The following MAGEB1 variants were observed in gnomAD, a reference collection of about 807,000 sequenced individuals.
The protein encoded by MAGEB1 is melanoma-associated antigen B1.
For missense variants in MAGEB1, 290 were observed against 286.7 expected, an observed-to-expected ratio of 1.01 and a Z score of -0.08; for synonymous variants, 99 against 105.7, an observed-to-expected ratio of 0.94 and a Z score of 0.39.
rs1194478399 is a variant in MAGEB1, at chrX:30,251,212, A to T, written c.719A>T (p.Glu240Val). The change falls in exon 2 of 2, where the codon GAA becomes GTA. Residue 240 changes from glutamate (E) to valine (V), a missense_variant. Physicochemically the swap from Glu to Val is moderately radical, Grantham distance 121 (BLOSUM62 -2). Coordinates refer to ENST00000397548, the MANE Select transcript of MAGEB1 (RefSeq NM_177404.3). ...YDGEEHLIYG[E>V]PRKFITQDLV... ...GGAGAGGAGCACTTAATCTATGGGG[A>T]ACCCCGTAAGTTCATCACCCAAGAT... is the stretch of plus-strand genomic sequence containing the variant. 10 of 1,211,999 alleles carry T rather than the reference A, an allele frequency of 8.3e-6. No individual in the cohort carries two copies. The highest frequency in any genetic ancestry group is 1.0e-5 in the Non-Finnish European group (9 of 895,539).
Position 30,251,180 on chromosome X carries a change from C to T in MAGEB1, c.687C>T (p.Ala229=), listed in dbSNP as rs746278765. 1.7e-6 allele frequency: 2 copies of T among 1,211,691 alleles called. No individual in the cohort carries two copies. Among genetic ancestry groups the T allele is most frequent in the Non-Finnish European group, 1.1e-6 (1 of 895,356 alleles). ...EIWKFMNVLG[A]YDGEEHLIYG... is the part of the protein sequence containing the mutation. ...GGAAATTCATGAATGTGTTGGGAGC[C>T]TATGATGGAGAGGAGCACTTAATCT... The change falls in exon 2 of 2, where the codon GCC becomes GCT. Residue 229 remains alanine (A), a synonymous_variant. Transcript: ENST00000397548.
At chrX:30,246,562 C>A (rs1453053054), upstream of MAGEB1, among the ~76,000 whole-genome samples, 2 of 111,494 alleles carry the variant, frequency 1.8e-5, no homozygotes, top group Non-Finnish European at 3.8e-5. Flanking sequence ...TGACTGGTTC[C>A]GTCTAATTGG....
chrX:30,245,982 T>C (rs1925294234), upstream of MAGEB1, among the ~76,000 whole-genome samples: 1 of 112,112 alleles, frequency 8.9e-6, no homozygotes, highest in African/African-American at 3.2e-5. Context: ...CAGGGACCTC[T>C]TCTCTGCAAG....
rs1250523066 is a variant in MAGEB1, at chrX:30,251,238, C to G, written c.745C>G (p.Leu249Val). 9 of 1,210,676 alleles carry G rather than the reference C, an allele frequency of 7.4e-6. No individual in the cohort carries two copies. The highest frequency in any genetic ancestry group is 1.0e-5 in the Non-Finnish European group (9 of 895,377). Residue 249 changes from leucine to valine, a missense_variant, in exon 2 of 2, where the codon CTG (leucine) becomes GTG (valine). Transcript: ENST00000397548. ...GEPRKFITQD[L>V]VQEKYLKYEQ... ...ACCCCGTAAGTTCATCACCCAAGAT[C>G]TGGTGCAGGAAAAATATCTGAAGTA...
Position 30,247,157 on chromosome X carries a change from C to T in MAGEB1, c.-160C>T, listed in dbSNP as rs959733681. On this transcript the variant is annotated 5_prime_UTR_variant, in exon 1 of 2. Transcript: ENST00000397548. Reference sequence around the variant, plus strand: ...GCCGGATGTGGCTCATCCTGACTTCCGCTTTGAAGGCGAGGACCCCAGCGA... The same window carrying T: ...GCCGGATGTGGCTCATCCTGACTTCTGCTTTGAAGGCGAGGACCCCAGCGA... 1 of 109,026 alleles carries T rather than the reference C, an allele frequency of 9.2e-6. No individual in the cohort carries two copies. Among genetic ancestry groups the T allele is most frequent in the African/African-American group, 3.4e-5 (1 of 29,793 alleles). 9.0% of individuals were successfully genotyped at this position (109,026 alleles called of 1,213,427 possible).
chrX:30,251,126 G>A lies in MAGEB1; in HGVS notation c.633G>A (p.Lys211=). ...LMPLLGVIFL[K]GNSATEEEIW... ...CTCTCCTGGGTGTGATCTTCTTAAA[G>A]GGCAACTCTGCCACCGAGGAAGAGA... is the stretch of plus-strand genomic sequence containing the variant. The change falls in exon 2 of 2, where the codon AAG becomes AAA. Residue 211 remains lysine, a synonymous_variant. Coordinates refer to ENST00000397548, the MANE Select transcript of MAGEB1 (RefSeq NM_177404.3). The A allele has an allele frequency of 8.3e-7, 1 of 1,210,794 alleles. No homozygotes were observed. The highest frequency in any genetic ancestry group is 1.1e-6 in the Non-Finnish European group (1 of 894,958).
Position 30,250,980 on chromosome X carries a change from CT to C in MAGEB1, c.489del (p.Asp164IlefsTer2), listed in dbSNP as rs1369700777. 1.4e-5 allele frequency: 17 copies of C among 1,211,675 alleles called. No individual in the cohort carries two copies. The highest frequency in any genetic ancestry group is 1.9e-5 in the Non-Finnish European group (17 of 895,370). On this transcript the variant is annotated frameshift_variant, in exon 2 of 2. Coordinates refer to ENST00000397548, the MANE Select transcript of MAGEB1 (RefSeq NM_177404.3). LOFTEE classifies it low-confidence loss of function (END_TRUNC). ...ASRRLELVFGLDLKEDNPSGH... is the reference protein window; with the variant it reads ...ASRRLELVFGXDLKEDNPSGH... ...TCGCCGCTTGGAGCTCGTCTTTGGCCTTGATTTGAAGGAAGACAACCCTAGT... is the reference window on the plus strand; with the variant it reads ...TCGCCGCTTGGAGCTCGTCTTTGGCCTGATTTGAAGGAAGACAACCCTAGT...
chrX:30,250,486 C>T lies in MAGEB1; in HGVS notation c.-8C>T. The T allele has an allele frequency of 8.5e-7, 1 of 1,172,859 alleles. No homozygotes were observed. Among genetic ancestry groups the T allele is most frequent in the South Asian group, 2.0e-5 (1 of 50,301 alleles). ...CTTTCCTGCCTGTTTTGCCTGACCA[C>T]AGCCATCATGCCTCGGGGTCAGAAG... On this transcript the variant is annotated 5_prime_UTR_variant, in exon 2 of 2. Transcript: ENST00000397548.
upstream of MAGEB1, among the ~76,000 whole-genome samples, chrX:30,246,973 A>G (rs1347204621): frequency 8.9e-6 from 1 of 112,396 alleles, no homozygotes; most frequent in Non-Finnish European, 1.9e-5. Context: ...AGGTGGGGCT[A>G]TTGTTTGAGG....
chrX:30,246,667 A>G (rs1308822007), upstream of MAGEB1, among the ~76,000 whole-genome samples: 4 of 112,138 alleles, frequency 3.6e-5, no homozygotes, highest in African/African-American at 1.3e-4. Context: ...CCAGCAGATG[A>G]GTCCCCACAG....
At chrX:30,245,361 A>G (rs146763001), upstream of MAGEB1, among the ~76,000 whole-genome samples, 552 of 112,156 alleles carry the variant, frequency 4.9e-3, 2 homozygotes, top group Middle Eastern at 0.023. Context: ...TAAAGTCTCA[A>G]TGCACACCAG....
At position 30,250,566 on chromosome X, in the gene MAGEB1, C is replaced by A; in HGVS notation, c.73C>A (p.Leu25Ile). The change falls in exon 2 of 2, where the codon CTC (leucine) becomes ATC (isoleucine). Residue 25 changes from leucine (L) to isoleucine (I), a missense_variant. Coordinates refer to ENST00000397548, the MANE Select transcript of MAGEB1 (RefSeq NM_177404.3). ...CAAGGCGCGAGAGGAGACCCAGGGT[C>A]TCAAGGTTGCTCACGCCACTGCAGC... ...RRKAREETQGLKVAHATAAEK... is the reference protein window; with the variant it reads ...RRKAREETQGIKVAHATAAEK... 8.3e-7 allele frequency: 1 copy of A among 1,208,000 alleles called. No homozygotes were observed. The highest frequency in any genetic ancestry group is 1.1e-6 in the Non-Finnish European group (1 of 893,448).
chrX:30,248,832 A>G (rs1263349977), intron 1 of MAGEB1, among the ~76,000 whole-genome samples: 1 of 112,016 alleles, frequency 8.9e-6, no homozygotes, highest in Non-Finnish European at 1.9e-5. Flanking sequence ...TGAAAGAAAC[A>G]CGGAATTCCT....
At position 30,250,507 on chromosome X, in the gene MAGEB1, A is replaced by G. The variant is rs989525536; in HGVS notation, c.14A>G (p.Gln5Arg). 3 of 1,189,281 alleles carry G rather than the reference A, an allele frequency of 2.5e-6. No homozygotes were observed. The highest frequency in any genetic ancestry group is 2.3e-5 in the Admixed American group (1 of 43,260). Residue 5 changes from glutamine to arginine, a missense_variant, in exon 2 of 2, where the codon CAG (glutamine) becomes CGG (arginine). Transcript: ENST00000397548. ...ACCACAGCCATCATGCCTCGGGGTCAGAAGAGTAAGCTCCGTGCTCGTGAG... is the reference window on the plus strand; with the variant it reads ...ACCACAGCCATCATGCCTCGGGGTCGGAAGAGTAAGCTCCGTGCTCGTGAG... MPRG[Q>R]KSKLRAREKR...
chrX:30,250,454 C>G lies in MAGEB1; in HGVS notation c.-40C>G. 9.1e-7 allele frequency: 1 copy of G among 1,095,784 alleles called. No individual in the cohort carries two copies. Among genetic ancestry groups the G allele is most frequent in the South Asian group, 2.2e-5 (1 of 44,914 alleles). The allele number at this position is 1,095,784 out of a possible 1,213,427, so 90.3% of individuals were successfully genotyped here. On this transcript the variant is annotated 5_prime_UTR_variant, in exon 2 of 2. Transcript: ENST00000397548. ...TTCAGGTGCCACATCTCCTGCCTTTCTGCTCACTTTCCTGCCTGTTTTGCC... is the reference window on the plus strand; with the variant it reads ...TTCAGGTGCCACATCTCCTGCCTTTGTGCTCACTTTCCTGCCTGTTTTGCC...
At chrX:30,247,620 C>T (rs1238642388) in intron 1 of MAGEB1, 1 of 111,927 alleles carries the variant, frequency 8.9e-6, no homozygotes, top group Non-Finnish European at 1.9e-5. Context: ...CTCAGGGAGA[C>T]GAAGGCTTTG....
Position 30,251,135 on chromosome X carries a change from T to A in MAGEB1, c.642T>A (p.Ser214=), listed in dbSNP as rs1202412120. 1.7e-6 allele frequency: 2 copies of A among 1,211,239 alleles called. No individual in the cohort carries two copies. The highest frequency in any genetic ancestry group is 3.5e-5 in the South Asian group (2 of 56,808). ...GTGTGATCTTCTTAAAGGGCAACTC[T>A]GCCACCGAGGAAGAGATCTGGAAAT... ...LLGVIFLKGN[S]ATEEEIWKFM... is the part of the protein sequence containing the mutation. Residue 214 remains serine, a synonymous_variant, in exon 2 of 2, where the codon TCT becomes TCA. Transcript: ENST00000397548.
Position 30,251,385 on chromosome X carries a change from C to T in MAGEB1, c.892C>T (p.Arg298Cys), listed in dbSNP as rs1341499890. The T allele has an allele frequency of 5.0e-6, 6 of 1,209,646 alleles. No individual in the cohort carries two copies. Among genetic ancestry groups the T allele is most frequent in the African/African-American group, 3.5e-5 (2 of 56,990 alleles). The change falls in exon 2 of 2, where the codon CGT becomes TGT. Residue 298 changes from arginine (R) to cysteine (C), a missense_variant. Arg to Cys is a radical substitution (Grantham distance 180). Transcript: ENST00000397548. Reference sequence around the variant, plus strand: ...GGCCAAGATGAATGGTGCCACTCCCCGTGACTTCCCATCCCATTATGAAGA... The same window carrying T: ...GGCCAAGATGAATGGTGCCACTCCCTGTGACTTCCCATCCCATTATGAAGA... Reference protein sequence around the residue: ...FLAKMNGATPRDFPSHYEEAL... With the variant: ...FLAKMNGATPCDFPSHYEEAL...
At chrX:30,246,312 T>C (rs1262280613), upstream of MAGEB1, 2 of 112,440 alleles carry the variant, frequency 1.8e-5, no homozygotes, top group African/African-American at 6.5e-5. Flanking sequence ...TGTGATCATA[T>C]GAAGATCATC....
Sources: gnomAD v4.1 joint callset for allele counts (sites outside exome capture counted in the v4.1 genomes callset) on GRCh38, gnomAD v4.1.1 for gene constraint, MANE v1.5 for transcripts, NCBI Gene and HGNC (gene_info 2026-07-23, HGNC 2026-07-21) for gene names.